The following PTER variants were observed in gnomAD, a reference collection of about 807,000 sequenced individuals.
The protein encoded by PTER is phosphotriesterase related.
Under a neutral mutation model 29.6 loss-of-function variants are expected in PTER, and 38 were observed. The ratio of observed to expected loss-of-function variants is 1.28; its 90% CI spans 0.99 to 1.68. The LOEUF is 1.68. PTER is among the 40% of genes most tolerant of loss of function. PTER has a pLI of 0.00. For synonymous variants in PTER, 172 were observed against 154.5 expected, an observed-to-expected ratio of 1.11 and a Z score of -0.84; for missense variants, 482 against 427.8, an observed-to-expected ratio of 1.13 and a Z score of -1.12.
At chr10:16,467,190 G>A (rs1376400962) in intron 1 of PTER, among the ~76,000 whole-genome samples, 1 of 152,218 alleles carries the variant, frequency 6.6e-6, no homozygotes, top group Non-Finnish European at 1.5e-5. Flanking sequence ...GAAAGAGAGA[G>A]AGGAGAGAAA....
chr10:16,486,709 T>G (rs1835715867), intron 3 of PTER, 92 bp downstream of exon 3: 1 of 1,363,220 alleles, frequency 7.3e-7, no homozygotes, highest in East Asian at 2.3e-5. Flanking sequence ...AATGCAATAC[T>G]AATCACGCAG....
chr10:16,501,433 C>A (rs1307271511), intron 3 of PTER, among the ~76,000 whole-genome samples: 2 of 151,236 alleles, frequency 1.3e-5, no homozygotes, highest in East Asian at 3.9e-4. Context: ...TACCATAGTT[C>A]CTTTCTCTTT....
At chr10:16,489,357 A>G (rs1019031481) in intron 3 of PTER, among the ~76,000 whole-genome samples, 8 of 152,178 alleles carry the variant, frequency 5.3e-5, no homozygotes, top group Non-Finnish European at 1.2e-4. Context: ...AATATTAAAC[A>G]TACAATGTAT....
At chr10:16,453,302 T>C (rs925084284) in intron 1 of PTER, among the ~76,000 whole-genome samples, 14 of 152,178 alleles carry the variant, frequency 9.2e-5, no homozygotes, top group Non-Finnish European at 1.8e-4. Flanking sequence ...ATTTTCAGAG[T>C]AGTTTCTGTA....
At chr10:16,440,249 G>T (rs1305555465) in intron 1 of PTER, among the ~76,000 whole-genome samples, 2 of 151,226 alleles carry the variant, frequency 1.3e-5, no homozygotes, top group Non-Finnish European at 2.9e-5. Flanking sequence ...TGTATTTTTG[G>T]TAGAGACGGG....
At chr10:16,439,962 G>T (rs1833788473) in intron 1 of PTER, among the ~76,000 whole-genome samples, 1 of 152,098 alleles carries the variant, frequency 6.6e-6, no homozygotes, top group Non-Finnish European at 1.5e-5. Context: ...GAACTTGACT[G>T]AGGTAGTTGT....
At chr10:16,445,476 T>C (rs1221297112) in intron 1 of PTER, among the ~76,000 whole-genome samples, 2 of 152,200 alleles carry the variant, frequency 1.3e-5, no homozygotes. Flanking sequence ...AAGAGTATCT[T>C]TCCTAGTTTT....
intron 1 of PTER, among the ~76,000 whole-genome samples, chr10:16,481,913 A>C (rs1835495071): frequency 6.6e-6 from 1 of 152,202 alleles, no homozygotes; most frequent in Admixed American, 6.5e-5. Context: ...AACGGAAGGC[A>C]TGAACTACAC....
At chr10:16,514,906 G>A (rs573884622), downstream of PTER, among the ~76,000 whole-genome samples, 50 of 152,242 alleles carry the variant, frequency 3.3e-4, no homozygotes, top group Non-Finnish European at 5.7e-4. Flanking sequence ...GACAGAAAGG[G>A]ACAAAATAGT....
intron 1 of PTER, among the ~76,000 whole-genome samples, chr10:16,470,882 T>C (rs887696182): frequency 8.5e-5 from 13 of 152,250 alleles, no homozygotes; most frequent in African/African-American, 2.9e-4. Context: ...ATTCTTTTTT[T>C]TTTAACTTAA....
intron 3 of PTER, among the ~76,000 whole-genome samples, chr10:16,498,857 C>T (rs772275357): frequency 2.0e-5 from 3 of 152,136 alleles, no homozygotes; most frequent in Non-Finnish European, 2.9e-5. Flanking sequence ...TTTGGCAGTC[C>T]CTGGAAGCCA....
Position 16,505,084 on chromosome 10 carries a change from C to G in PTER, c.763C>G (p.Leu255Val), listed in dbSNP as rs1391431332. Residue 255 changes from leucine to valine, a missense_variant, in exon 4 of 5, where the codon CTC becomes GTC. Physicochemically the swap from Leu to Val is conservative, Grantham distance 32. Transcript: ENST00000535784. The part of the protein sequence containing the change: ...AQLGCYLEYD[L>V]FGTELLHYQL... ...ACTTGGCTGCTACTTGGAATATGAT[C>G]TCTTTGGTACTGAACTACTTCATTA... 1 of 1,613,860 alleles carries G rather than the reference C, an allele frequency of 6.2e-7. No individual in the cohort carries two copies. The highest frequency in any genetic ancestry group is 1.7e-5 in the Admixed American group (1 of 60,004).
chr10:16,498,145 A>T (rs1050965172), intron 3 of PTER, among the ~76,000 whole-genome samples: 12 of 152,242 alleles, frequency 7.9e-5, no homozygotes, highest in African/African-American at 2.7e-4. Flanking sequence ...TCCACCTTGA[A>T]GATGGGACTT....
intron 3 of PTER, among the ~76,000 whole-genome samples, chr10:16,503,073 T>C (rs1166303573): frequency 4.0e-5 from 2 of 50,606 alleles, no homozygotes; most frequent in African/African-American, 5.6e-5. Context: ...TGCTTTTTTT[T>C]TTTTTTTTTT....
In PTER at chr10:16,467,987, C is replaced by T. The variant is rs560915259; in HGVS notation, c.-48-16350C>T. On this transcript the variant is annotated intron_variant, in intron 1 of 4. Coordinates refer to ENST00000535784, the MANE Select transcript of PTER (RefSeq NM_001261836.2). Reference sequence around the variant, plus strand: ...GATTTGGGAAAATAATGTCATATTCCGTAAAAGGGCTGTGCTGTGATCTCA... The same window carrying T: ...GATTTGGGAAAATAATGTCATATTCTGTAAAAGGGCTGTGCTGTGATCTCA... Among the ~76,000 whole-genome samples the T allele has an allele frequency of 5.9e-5, 9 of 151,962 alleles. No homozygotes were observed. In the East Asian group the frequency reaches 9.6e-4, roughly 16 times the overall value.
At chr10:16,439,653 C>T (rs1833777842) in intron 1 of PTER, among the ~76,000 whole-genome samples, 1 of 152,170 alleles carries the variant, frequency 6.6e-6, no homozygotes, top group South Asian at 2.1e-4. Context: ...TCATACAGGA[C>T]ATACATACAT....
rs1178811802 is a variant in PTER, at chr10:16,484,515, A to G, written c.131A>G (p.Gln44Arg). 1 of 1,614,138 alleles carries G rather than the reference A, an allele frequency of 6.2e-7. No homozygotes were observed. Among genetic ancestry groups the G allele is most frequent in the South Asian group, 1.1e-5 (1 of 91,072 alleles). Residue 44 changes from glutamine to arginine, a missense_variant, in exon 2 of 5, where the codon CAG (glutamine) becomes CGG (arginine). Physicochemically the swap from Gln to Arg is conservative, Grantham distance 43. Transcript: ENST00000535784. ...DCCYCPPPPCQEAISKEPIVM... is the reference protein window; with the variant it reads ...DCCYCPPPPCREAISKEPIVM... Reference sequence around the variant, plus strand: ...TGTTACTGTCCACCTCCCCCGTGCCAGGAAGCTATTTCCAAAGAACCTATC... The same window carrying G: ...TGTTACTGTCCACCTCCCCCGTGCCGGGAAGCTATTTCCAAAGAACCTATC...
intron 1 of PTER, among the ~76,000 whole-genome samples, chr10:16,471,197 A>G (rs948802148): frequency 6.6e-6 from 1 of 152,236 alleles, no homozygotes; most frequent in Non-Finnish European, 1.5e-5. Flanking sequence ...GCGCAGGAAC[A>G]ATATCAAGTC....
chr10:16,441,143 G>T (rs112028763), intron 1 of PTER, among the ~76,000 whole-genome samples: 1 of 152,336 alleles, frequency 6.6e-6, no homozygotes, highest in Non-Finnish European at 1.5e-5. Context: ...ATAGGTAAAG[G>T]CTGTATGCCT....
Sources: allele counts gnomAD v4.1 joint callset (sites outside exome capture counted in the v4.1 genomes callset), GRCh38; gene constraint gnomAD v4.1.1; transcripts MANE v1.5; gene names NCBI Gene and HGNC (gene_info 2026-07-23, HGNC 2026-07-21).